Variants in DOCK7 observed in about 807,000 individuals in gnomAD.
The protein encoded by DOCK7 is dedicator of cytokinesis protein 7.
A neutral mutation model predicts 271.0 loss-of-function variants in DOCK7; 138 were observed. The ratio of observed to expected loss-of-function variants is 0.51; its 90% CI spans 0.44 to 0.59. The LOEUF is 0.59. Among genes scored for constraint, DOCK7 ranks in the 20% least tolerant of loss-of-function variants. DOCK7 has a pLI of 0.00. For synonymous variants in DOCK7, 823 were observed against 876.1 expected (o/e 0.94, Z 1.07); for missense variants, 2,066 against 2,592.4 (o/e 0.80, Z 4.41).
intron 1 of DOCK7, 140 bp downstream of exon 1, chr1:62,688,087 C>T: frequency 1.8e-6 from 2 of 1,103,444 alleles, no homozygotes; most frequent in Non-Finnish European, 2.2e-6. Flanking sequence ...CCCCGAACCC[C>T]TTCCGCCCCG....
intron 31 of DOCK7, among the ~76,000 whole-genome samples, chr1:62,520,602 A>T (rs1181732401): frequency 6.6e-6 from 1 of 152,200 alleles, no homozygotes; most frequent in Non-Finnish European, 1.5e-5. Context: ...GTCAGGAAAC[A>T]ACAGATGCTG....
At chr1:62,640,037 A>G (rs1655796075) in intron 7 of DOCK7, among the ~76,000 whole-genome samples, 1 of 152,158 alleles carries the variant, frequency 6.6e-6, no homozygotes, top group African/African-American at 2.4e-5. Flanking sequence ...GCAATACTCA[A>G]TGGCTATTAT....
chr1:62,596,974 A>G (rs546735134), intron 14 of DOCK7, among the ~76,000 whole-genome samples: 2 of 152,278 alleles, frequency 1.3e-5, no homozygotes, highest in South Asian at 4.1e-4. Context: ...CATATTAACA[A>G]TTATAGTGAC....
intron 42 of DOCK7, chr1:62,487,654 A>G: frequency 2.4e-6 from 1 of 413,490 alleles, no homozygotes; most frequent in Admixed American, 3.8e-5. Flanking sequence ...AGGGAAAGAG[A>G]GCCAGCAGCT....
At chr1:62,508,856 G>T (rs1016943989) in intron 34 of DOCK7, among the ~76,000 whole-genome samples, 2 of 151,784 alleles carry the variant, frequency 1.3e-5, no homozygotes, top group Non-Finnish European at 2.9e-5. Flanking sequence ...AATTACACAT[G>T]ATTTATGAAT....
intron 19 of DOCK7, among the ~76,000 whole-genome samples, chr1:62,559,710 C>T (rs898289028): frequency 1.3e-5 from 2 of 152,062 alleles, no homozygotes; most frequent in Admixed American, 1.3e-4. Flanking sequence ...CTTCTTTTCC[C>T]CTACCTCACT....
chr1:62,569,776 C>T (rs1215888166), intron 18 of DOCK7, among the ~76,000 whole-genome samples: 3 of 131,864 alleles, frequency 2.3e-5, no homozygotes, highest in Non-Finnish European at 4.7e-5. Flanking sequence ...TGCAGTGGTA[C>T]GACCTCAGCT....
intron 43 of DOCK7, 50 bp downstream of exon 43, chr1:62,487,348 C>A (rs201541744): frequency 1.3e-6 from 2 of 1,577,186 alleles, no homozygotes; most frequent in East Asian, 2.2e-5. Flanking sequence ...CATAAGAAAT[C>A]TGATAAAATC....
At chr1:62,489,164 C>G (rs995287031) in intron 41 of DOCK7, 99 bp from the exon 42 acceptor site, 1 of 1,208,058 alleles carries the variant, frequency 8.3e-7, no homozygotes, top group South Asian at 1.6e-5. Context: ...AGATAATACA[C>G]TGAGGCCAGA....
chr1:62,523,406 T>G (rs1417462561), intron 31 of DOCK7, among the ~76,000 whole-genome samples: 1 of 152,078 alleles, frequency 6.6e-6, no homozygotes, highest in Non-Finnish European at 1.5e-5. Flanking sequence ...ACACTGTATA[T>G]AAAAAAATCT....
At position 62,463,761 on chromosome 1, in the gene DOCK7, TAA is replaced by T. The variant is rs1410790269; in HGVS notation, c.6213-6058_6213-6057del. Among the ~76,000 whole-genome samples, 13 of 152,186 alleles carry T rather than the reference TAA, an allele frequency of 8.5e-5. No individual in the cohort carries two copies. In the South Asian group the frequency reaches 2.7e-3, roughly 32 times the overall value. On this transcript the variant is annotated intron_variant, in intron 48 of 49. Coordinates refer to ENST00000635253, the MANE Select transcript of DOCK7 (RefSeq NM_001367561.1). ...TAGGGAACCATTTATGATAGAACTA[TAA>T]AGACAAGAAAGGAAATGATAAATAT...
At chr1:62,640,709 A>G (rs988436302) in intron 7 of DOCK7, among the ~76,000 whole-genome samples, 3 of 152,072 alleles carry the variant, frequency 2.0e-5, no homozygotes, top group African/African-American at 4.8e-5. Flanking sequence ...GCTGTCCCCC[A>G]TGCGTTGTTT....
intron 1 of DOCK7, among the ~76,000 whole-genome samples, chr1:62,683,185 T>C (rs1489053273): frequency 6.6e-6 from 1 of 152,198 alleles, no homozygotes; most frequent in African/African-American, 2.4e-5. Flanking sequence ...TTAACACTAT[T>C]TTGCAGCTTA....
chr1:62,509,196 C>G (rs1173184502), intron 34 of DOCK7, among the ~76,000 whole-genome samples: 2 of 151,110 alleles, frequency 1.3e-5, no homozygotes, highest in Non-Finnish European at 2.9e-5. Context: ...AGCTATAATC[C>G]CAGCTACTTG....
At chr1:62,644,244 G>T (rs1158808910) in intron 7 of DOCK7, among the ~76,000 whole-genome samples, 3 of 152,136 alleles carry the variant, frequency 2.0e-5, no homozygotes, top group Non-Finnish European at 2.9e-5. Context: ...TTTTGCCTTG[G>T]AATTTTTTGA....
chr1:62,588,447 T>C (rs1358208635), intron 14 of DOCK7, among the ~76,000 whole-genome samples: 1 of 152,168 alleles, frequency 6.6e-6, no homozygotes, highest in Non-Finnish European at 1.5e-5. Flanking sequence ...TCCCCCATCT[T>C]TTCTAGCCTT....
At chr1:62,510,489 GTAAATA>G in intron 34 of DOCK7, 82 bp downstream of exon 34, 1 of 912,496 alleles carries the variant, frequency 1.1e-6, no homozygotes, top group Non-Finnish European at 1.6e-6. Flanking sequence ...AATACTAAAT[GTAAATA>G]TAAAGTAAAA....
intron 43 of DOCK7, chr1:62,479,772 C>T (rs1231249196): frequency 5.6e-6 from 2 of 355,818 alleles, no homozygotes; most frequent in East Asian, 7.9e-5. Context: ...CAGCTTCTGT[C>T]TCCTGGGCTC....
intron 43 of DOCK7, chr1:62,484,194 CAAT>C (rs1045094432): frequency 6.6e-6 from 1 of 151,738 alleles, no homozygotes; most frequent in African/African-American, 2.4e-5. Flanking sequence ...CCATTCAGTC[CAAT>C]AATGAGAGTT....
Sources: allele counts gnomAD v4.1 joint callset (sites outside exome capture counted in the v4.1 genomes callset), GRCh38; gene constraint gnomAD v4.1.1; transcripts MANE v1.5; gene names NCBI Gene and HGNC (gene_info 2026-07-23, HGNC 2026-07-21).